Variants in CFAP299 observed in about 807,000 individuals in gnomAD.
The protein encoded by CFAP299 is cilia- and flagella-associated protein 299.
CFAP299 carries 21 observed loss-of-function variants against 27.0 expected under a neutral mutation model. That is an observed-to-expected ratio of 0.78 (90% CI 0.55 to 1.12). The LOEUF (loss-of-function observed/expected upper bound fraction) is 1.12, where lower values mean the gene tolerates loss of function less well. Ranked by LOEUF, CFAP299 falls within the 50% of genes most tolerant of loss-of-function variation. CFAP299 has a pLI of 0.00. For missense variants in CFAP299, 310 were observed against 276.6 expected, an observed-to-expected ratio of 1.12 and a Z score of -0.86; for synonymous variants, 104 against 98.1, an observed-to-expected ratio of 1.06 and a Z score of -0.36.
At chr4:80,857,480 T>C (rs974955309) in intron 3 of CFAP299, among the ~76,000 whole-genome samples, 1 of 152,310 alleles carries the variant, frequency 6.6e-6, no homozygotes, top group African/African-American at 2.4e-5. Context: ...CCCTGTCTTG[T>C]GCCAGTTTTC....
intron 2 of CFAP299, among the ~76,000 whole-genome samples, chr4:80,383,525 C>T (rs543250510): frequency 6.6e-6 from 1 of 152,128 alleles, no homozygotes; most frequent in Admixed American, 6.5e-5. Context: ...TAATTTCCAT[C>T]AGCATTTTAA....
intron 3 of CFAP299, among the ~76,000 whole-genome samples, chr4:80,641,158 A>T (rs1253875390): frequency 1.3e-5 from 2 of 152,148 alleles, no homozygotes; most frequent in Non-Finnish European, 2.9e-5. Context: ...AAAGTCACTT[A>T]TTTAAAATTA....
chr4:80,566,952 C>A (rs1006757989), intron 2 of CFAP299, among the ~76,000 whole-genome samples: 1 of 151,544 alleles, frequency 6.6e-6, no homozygotes, highest in Non-Finnish European at 1.5e-5. Flanking sequence ...GCCAGATGTA[C>A]AAAAATGAGG....
At chr4:80,581,453 G>GATATAGATATATATAT (rs1553936103) in intron 2 of CFAP299, among the ~76,000 whole-genome samples, 1 of 103,032 alleles carries the variant, frequency 9.7e-6, no homozygotes, top group African/African-American at 6.3e-5. Flanking sequence ...TATTAAGTGA[G>GATATAGATATATATAT]ATATATATAT....
intron 4 of CFAP299, among the ~76,000 whole-genome samples, chr4:80,892,776 C>T (rs934128564): frequency 7.9e-5 from 12 of 151,990 alleles, no homozygotes; most frequent in Admixed American, 3.3e-4. Context: ...CTAATATATT[C>T]GATGGCGAAA....
chr4:80,722,777 G>T (rs969718011), intron 3 of CFAP299, among the ~76,000 whole-genome samples: 11 of 152,102 alleles, frequency 7.2e-5, no homozygotes, highest in African/African-American at 2.7e-4. Context: ...GCGGGCGCCT[G>T]TAGTCCCAGC....
chr4:80,675,762 C>T (rs1353307358), intron 3 of CFAP299, among the ~76,000 whole-genome samples: 1 of 152,244 alleles, frequency 6.6e-6, no homozygotes, highest in Non-Finnish European at 1.5e-5. Context: ...ACCCCTCACA[C>T]TGCCAGGCTG....
At chr4:80,402,719 T>G (rs1726224332) in intron 2 of CFAP299, among the ~76,000 whole-genome samples, 1 of 152,242 alleles carries the variant, frequency 6.6e-6, no homozygotes, top group Non-Finnish European at 1.5e-5. Context: ...CAGAGCAAAC[T>G]GCTCTGGATT....
intron 3 of CFAP299, among the ~76,000 whole-genome samples, chr4:80,625,416 A>G (rs1738834463): frequency 6.6e-6 from 1 of 152,028 alleles, no homozygotes; most frequent in South Asian, 2.1e-4. Context: ...TCAAAACAAC[A>G]CTGAAGAAAA....
chr4:80,892,696 A>C (rs1383673480), intron 4 of CFAP299, among the ~76,000 whole-genome samples: 1 of 152,144 alleles, frequency 6.6e-6, no homozygotes, highest in Non-Finnish European at 1.5e-5. Context: ...TGATATAAAA[A>C]CTCTGAACAG....
intron 4 of CFAP299, among the ~76,000 whole-genome samples, chr4:80,918,289 A>C (rs1336745823): frequency 6.6e-6 from 1 of 152,158 alleles, no homozygotes; most frequent in African/African-American, 2.4e-5. Context: ...TATGAGATAA[A>C]CTTCTAGTTC....
At chr4:80,847,749 A>C (rs1453536863) in intron 3 of CFAP299, among the ~76,000 whole-genome samples, 1 of 152,202 alleles carries the variant, frequency 6.6e-6, no homozygotes, top group Non-Finnish European at 1.5e-5. Flanking sequence ...CTCAATAAAC[A>C]ATAGCTTTTA....
intron 1 of CFAP299, among the ~76,000 whole-genome samples, chr4:80,358,886 A>T (rs1415699829): frequency 1.3e-5 from 2 of 152,024 alleles, no homozygotes; most frequent in Non-Finnish European, 2.9e-5. Flanking sequence ...TATTTTGCAG[A>T]CTTGTTTATG....
At chr4:80,426,127 G>GTT (rs376905295) in intron 2 of CFAP299, among the ~76,000 whole-genome samples, 1 of 138,358 alleles carries the variant, frequency 7.2e-6, no homozygotes. Context: ...TAGTTTTCTT[G>GTT]TTTTTTTTTT....
intron 4 of CFAP299, among the ~76,000 whole-genome samples, chr4:80,874,187 G>A (rs927396664): frequency 3.3e-5 from 5 of 152,114 alleles, no homozygotes; most frequent in African/African-American, 1.2e-4. Context: ...AGTTATTAAT[G>A]CTTTTCCAAA....
At chr4:80,390,931 A>G (rs1725429520) in intron 2 of CFAP299, among the ~76,000 whole-genome samples, 1 of 39,650 alleles carries the variant, frequency 2.5e-5, no homozygotes, top group South Asian at 7.1e-4. Context: ...ATATGTATAT[A>G]TGTATATATG....
At chr4:80,568,940 T>A (rs1735446632) in intron 2 of CFAP299, among the ~76,000 whole-genome samples, 1 of 152,044 alleles carries the variant, frequency 6.6e-6, no homozygotes, top group Non-Finnish European at 1.5e-5. Context: ...CCTCAGTAAG[T>A]AAATTGTAAA....
At chr4:80,707,726 T>C (rs968723522) in intron 3 of CFAP299, among the ~76,000 whole-genome samples, 1 of 152,102 alleles carries the variant, frequency 6.6e-6, no homozygotes, top group African/African-American at 2.4e-5. Flanking sequence ...GTCTCAGGTA[T>C]ATAAAATCAA....
chr4:80,825,810 T>C (rs1729953664), intron 3 of CFAP299, among the ~76,000 whole-genome samples: 1 of 151,852 alleles, frequency 6.6e-6, no homozygotes, highest in Admixed American at 6.6e-5. Context: ...AAGAAATAAA[T>C]ATCTCAGGAC....
Sources: allele counts gnomAD v4.1 joint callset (sites outside exome capture counted in the v4.1 genomes callset), GRCh38; gene constraint gnomAD v4.1.1; transcripts MANE v1.5; gene names NCBI Gene and HGNC (gene_info 2026-07-23, HGNC 2026-07-21).